SYNRG: variants seen among roughly 807,000 people sequenced by gnomAD.
SYNRG encodes synergin gamma, also known as AP1 gamma subunit binding protein 1.
In SYNRG, 37 loss-of-function variants were observed where a neutral mutation model predicts 130.9. The ratio of observed to expected loss-of-function variants is 0.28; its 90% CI spans 0.22 to 0.37. The LOEUF (loss-of-function observed/expected upper bound fraction) is 0.37, where lower values mean the gene tolerates loss of function less well. SYNRG is among the 10% of genes least tolerant of loss of function. The pLI is 1.00. For synonymous variants in SYNRG, 539 were observed against 568.1 expected, an observed-to-expected ratio of 0.95 and a Z score of 0.73; for missense variants, 1,338 against 1,588.9, an observed-to-expected ratio of 0.84 and a Z score of 2.68.
At chr17:37,532,342 A>G (rs749380604) in intron 19 of SYNRG, among the ~76,000 whole-genome samples, 10 of 152,194 alleles carry the variant, frequency 6.6e-5, no homozygotes, top group Non-Finnish European at 1.2e-4. Flanking sequence ...CACTATTAGT[A>G]TTCATACAAA....
intron 13 of SYNRG, among the ~76,000 whole-genome samples, chr17:37,555,749 C>G (rs2059072252): frequency 6.6e-6 from 1 of 151,930 alleles, no homozygotes; most frequent in African/African-American, 2.4e-5. Flanking sequence ...ACTTAAAATA[C>G]AGAAAAATTA....
intron 19 of SYNRG, among the ~76,000 whole-genome samples, chr17:37,521,467 A>G (rs1475983314): frequency 3.3e-5 from 5 of 152,112 alleles, no homozygotes; most frequent in Non-Finnish European, 7.4e-5. Flanking sequence ...GCTCTGAGCT[A>G]AAGATGGGGT....
At chr17:37,534,035 A>G (rs1172167090) in intron 19 of SYNRG, among the ~76,000 whole-genome samples, 2 of 142,220 alleles carry the variant, frequency 1.4e-5, no homozygotes, top group Non-Finnish European at 3.0e-5. Flanking sequence ...CCCGGGTTCA[A>G]GCAATTCTCC....
Position 37,609,361 on chromosome 17 carries a change from T to C in SYNRG, c.-6A>G. ...GCTCCTGGCCGCAGCGCCATCTTGC[T>C]CCCGACCTGCCGCTGCCTTCGCCGC... On this transcript the variant is annotated 5_prime_UTR_variant, in exon 1 of 22. Coordinates refer to ENST00000612223, the MANE Select transcript of SYNRG (RefSeq NM_007247.6). 1.4e-6 allele frequency: 2 copies of C among 1,432,080 alleles called. No individual in the cohort carries two copies. Among genetic ancestry groups the C allele is most frequent in the African/African-American group, 1.5e-5 (1 of 67,164 alleles). The allele number at this position is 1,432,080 out of a possible 1,614,324, so 88.7% of individuals were successfully genotyped here. A position where few individuals can be genotyped will look rare whatever the true frequency, so the allele number is the denominator to read the frequency against.
chr17:37,542,137 A>G lies in SYNRG; in HGVS notation c.3037T>C (p.Ser1013Pro). Reference protein sequence around the residue: ...TCPSPASSGASQETPNECSDD... With the variant: ...TCPSPASSGAPQETPNECSDD... The stretch of plus-strand genomic sequence containing the variant: ...GAACATTCGTTCGGGGTTTCTTGAG[A>G]GGCACCACTGGACGCTGGGCTGGGA... Residue 1013 changes from serine to proline, a missense_variant, in exon 15 of 22, where the codon TCT becomes CCT. By Grantham distance (74) the Ser-to-Pro change is moderately conservative (BLOSUM62 -1). Transcript: ENST00000612223. 6.2e-7 allele frequency: 1 copy of G among 1,614,216 alleles called. No homozygotes were observed. Among genetic ancestry groups the G allele is most frequent in the African/African-American group, 1.3e-5 (1 of 75,056 alleles).
intron 19 of SYNRG, among the ~76,000 whole-genome samples, chr17:37,528,063 G>C (rs974207033): frequency 6.6e-6 from 1 of 152,208 alleles, no homozygotes; most frequent in African/African-American, 2.4e-5. Flanking sequence ...AAGTAACATA[G>C]AGTAGGAAGA....
intron 4 of SYNRG, among the ~76,000 whole-genome samples, chr17:37,585,823 G>A (rs904509350): frequency 6.6e-6 from 1 of 152,186 alleles, no homozygotes; most frequent in Admixed American, 6.5e-5. Context: ...TTGGGAATCA[G>A]GAAGCCTGCC....
At chr17:37,595,248 T>C (rs2062652009) in intron 3 of SYNRG, among the ~76,000 whole-genome samples, 1 of 152,196 alleles carries the variant, frequency 6.6e-6, no homozygotes, top group Non-Finnish European at 1.5e-5. Flanking sequence ...ACAACAATGG[T>C]TTCAACTTAA....
At chr17:37,571,731 CA>C in intron 9 of SYNRG, 59 bp downstream of exon 9, 1 of 1,478,544 alleles carries the variant, frequency 6.8e-7, no homozygotes, top group South Asian at 1.3e-5. Flanking sequence ...AAAAAGATTT[CA>C]TATCCTTGCA....
chr17:37,569,143 C>T (rs2060220010), intron 10 of SYNRG, among the ~76,000 whole-genome samples: 1 of 152,254 alleles, frequency 6.6e-6, no homozygotes, highest in Admixed American at 6.5e-5. Flanking sequence ...GGAGCAGTGG[C>T]TCACGCCTAT....
At chr17:37,592,001 G>A (rs189463003) in intron 3 of SYNRG, among the ~76,000 whole-genome samples, 225 of 152,170 alleles carry the variant, frequency 1.5e-3, no homozygotes, top group African/African-American at 5.3e-3. Context: ...CCCGTTAAGA[G>A]GGTGAAAAGA....
rs553026656 is a variant in SYNRG, at chr17:37,541,879, C to A, written c.3202+93G>T. The A allele has an allele frequency of 1.1e-4, 132 of 1,202,278 alleles. No individual in the cohort carries two copies. In the South Asian group the frequency reaches 1.7e-3, roughly 15 times the overall value. 74.5% of individuals were successfully genotyped at this position (1,202,278 alleles called of 1,614,324 possible). ...AAAGATTAGAACAATCTATTTCCTG[C>A]GAAACCAGAGAGCAACATTTTATTC... On this transcript the variant is annotated intron_variant, in intron 15 of 21. Coordinates refer to ENST00000612223, the MANE Select transcript of SYNRG (RefSeq NM_007247.6).
chr17:37,588,120 C>G (rs942192369), intron 3 of SYNRG, among the ~76,000 whole-genome samples: 1 of 152,036 alleles, frequency 6.6e-6, no homozygotes, highest in Non-Finnish European at 1.5e-5. Context: ...TCCTTAATTC[C>G]CTTAATTGTC....
rs1216747872 is a variant in SYNRG at position 37,518,317 on chromosome 17, A to T, written c.*623T>A. ...AGTGCCCAGGCATGTTTTGGGAAAA[A>T]GTCTTGAGAGTGGACAGAAGTGAAG... On this transcript the variant is annotated 3_prime_UTR_variant, in exon 22 of 22. Coordinates refer to ENST00000612223, the MANE Select transcript of SYNRG (RefSeq NM_007247.6). The T allele has an allele frequency of 6.6e-6, 1 of 152,240 alleles. No individual in the cohort carries two copies. Among genetic ancestry groups the T allele is most frequent in the Non-Finnish European group, 1.5e-5 (1 of 68,098 alleles). The allele number at this position is 152,240 out of a possible 1,614,324, so 9.4% of individuals were successfully genotyped here. A position where few individuals can be genotyped will look rare whatever the true frequency, so the allele number is the denominator to read the frequency against.
At position 37,541,586 on chromosome 17, in the gene SYNRG, G is replaced by GATCCCC. The variant is rs1320230365; in HGVS notation, c.3202+380_3202+385dup. 1.4e-5 allele frequency: 3 copies of GATCCCC among 214,742 alleles called. No individual in the cohort carries two copies. In the Admixed American group the frequency reaches 1.5e-4, roughly 11 times the overall value. 13.3% of individuals were successfully genotyped at this position (214,742 alleles called of 1,614,324 possible). A position where few individuals can be genotyped will look rare whatever the true frequency, so the allele number is the denominator to read the frequency against. ...CAATGTGATATGCAGGCTAGATGCA[G>GATCCCC]ATCCCCGGCCCCCACTTTGCAACCT... On this transcript the variant is annotated intron_variant, in intron 15 of 21. Coordinates refer to ENST00000612223, the MANE Select transcript of SYNRG (RefSeq NM_007247.6).
rs760922462 is a variant in SYNRG, at chr17:37,570,833, G to T, written c.1151C>A (p.Pro384His). The change falls in exon 10 of 22, where the codon CCT becomes CAT. Residue 384 changes from proline (P) to histidine (H), a missense_variant. Coordinates refer to ENST00000612223, the MANE Select transcript of SYNRG (RefSeq NM_007247.6). ...AGAAAAGCCACTTAAAGTTGGAATA[G>T]GAGCTGCTGGGAACTGGTTTAAAGC... is the stretch of plus-strand genomic sequence containing the variant. ...PDALNQFPAA[P>H]IPTLSGFSMT... 6.2e-7 allele frequency: 1 copy of T among 1,614,232 alleles called. No individual in the cohort carries two copies. The highest frequency in any genetic ancestry group is 8.5e-7 in the Non-Finnish European group (1 of 1,180,046).
chr17:37,602,556 T>C (rs538175730), intron 1 of SYNRG, among the ~76,000 whole-genome samples: 46 of 152,288 alleles, frequency 3.0e-4, no homozygotes, highest in African/African-American at 1.1e-3. Context: ...TGCTGTAGAA[T>C]AGCGGTGAGA....
chr17:37,528,450 A>AC (rs1452529981), intron 19 of SYNRG, among the ~76,000 whole-genome samples: 1 of 152,216 alleles, frequency 6.6e-6, no homozygotes, highest in East Asian at 1.9e-4. Flanking sequence ...ATAAATGGTA[A>AC]CCAGTAGTAG....
At chr17:37,574,790 G>A (rs541141063) in intron 8 of SYNRG, among the ~76,000 whole-genome samples, 3 of 152,016 alleles carry the variant, frequency 2.0e-5, no homozygotes, top group Non-Finnish European at 4.4e-5. Flanking sequence ...GGGAACCCAA[G>A]TACACTGTTG....
Sources: gnomAD v4.1 joint callset for allele counts (sites outside exome capture counted in the v4.1 genomes callset) on GRCh38, gnomAD v4.1.1 for gene constraint, MANE v1.5 for transcripts, NCBI Gene and HGNC (gene_info 2026-07-23, HGNC 2026-07-21) for gene names.